Variants in CDH18 observed in about 807,000 individuals in gnomAD.
CDH18 encodes cadherin-18.
A neutral mutation model predicts 67.9 loss-of-function variants in CDH18; 31 were observed. The observed-to-expected ratio is 0.46, with a 90% confidence interval of 0.34 to 0.62. The LOEUF (loss-of-function observed/expected upper bound fraction) is 0.62, where lower values mean the gene tolerates loss of function less well. Ranked by LOEUF, CDH18 falls within the 20% of genes least tolerant of loss-of-function variation. The probability of loss-of-function intolerance (pLI) is 0.01; values close to 1 mark genes in which losing one functional copy is unlikely to be tolerated. For synonymous variants in CDH18, 362 were observed against 347.2 expected (o/e 1.04, Z -0.48); for missense variants, 890 against 975.5 (o/e 0.91, Z 1.17).
intron 1 of CDH18, among the ~76,000 whole-genome samples, chr5:20,377,239 AT>A (rs1743529927): frequency 6.6e-6 from 1 of 152,202 alleles, no homozygotes; most frequent in Admixed American, 6.5e-5. Context: ...AAATATTTAT[AT>A]TTATTTCTAT....
At chr5:19,683,632 G>A (rs1760649818) in intron 5 of CDH18, among the ~76,000 whole-genome samples, 1 of 151,922 alleles carries the variant, frequency 6.6e-6, no homozygotes, top group African/African-American at 2.4e-5. Flanking sequence ...ATCTGATAAT[G>A]GGCATTTATT....
chr5:19,664,178 A>T (rs1757591283), intron 5 of CDH18, among the ~76,000 whole-genome samples: 1 of 151,912 alleles, frequency 6.6e-6, no homozygotes, highest in South Asian at 2.1e-4. Flanking sequence ...ACATTCACTC[A>T]TAGTAGCCCT....
chr5:19,935,060 G>A (rs1794089387), intron 2 of CDH18, among the ~76,000 whole-genome samples: 1 of 151,226 alleles, frequency 6.6e-6, no homozygotes, highest in Admixed American at 6.6e-5. Flanking sequence ...TGAGAAAGAG[G>A]AAGTAAGTTG....
chr5:19,987,479 G>T (rs573029142), intron 1 of CDH18, among the ~76,000 whole-genome samples: 162 of 151,574 alleles, frequency 1.1e-3, no homozygotes, highest in African/African-American at 3.6e-3. Flanking sequence ...CCCTTTAAAA[G>T]AAGCAAAAGT....
At chr5:20,457,180 T>C (rs1399633874) in intron 1 of CDH18, among the ~76,000 whole-genome samples, 1 of 152,126 alleles carries the variant, frequency 6.6e-6, no homozygotes, top group African/African-American at 2.4e-5. Flanking sequence ...ATTGAAACGG[T>C]GTCACAGGTT....
intron 2 of CDH18, among the ~76,000 whole-genome samples, chr5:20,208,317 C>T (rs887040129): frequency 1.3e-5 from 2 of 152,078 alleles, no homozygotes; most frequent in East Asian, 3.9e-4. Flanking sequence ...GGGGAAACTG[C>T]CCCCTTGATT....
rs147545104 is a variant in CDH18, at chr5:20,113,224, G to T, written c.-517-121210C>A. On this transcript the variant is annotated intron_variant, in intron 2 of 14. Coordinates refer to the CDH18 transcript ENST00000507958. ...GAATCATTTAGGAGATAAACTTCTG[G>T]CATGTTTTTCAGTGGTGGGATGCCC... is the stretch of plus-strand genomic sequence containing the variant. Among the ~76,000 whole-genome samples, 252 of 152,134 alleles carry T rather than the reference G, an allele frequency of 1.7e-3. 1 individual carries two copies. The highest frequency in any genetic ancestry group is 5.7e-3 in the African/African-American group (237 of 41,508).
intron 1 of CDH18, among the ~76,000 whole-genome samples, chr5:20,443,596 G>A (rs1391765458): frequency 6.6e-6 from 1 of 151,754 alleles, no homozygotes; most frequent in Non-Finnish European, 1.5e-5. Context: ...TATTTCTGTG[G>A]GCACACATTA....
intron 3 of CDH18, among the ~76,000 whole-genome samples, chr5:19,764,175 C>CAAAAAAAAA (rs747971284): frequency 1.3e-5 from 1 of 79,530 alleles, no homozygotes. Flanking sequence ...GACTCTGTCT[C>CAAAAAAAAA]AAAAAAAAAA....
At chr5:20,357,954 G>C (rs1361273820) in intron 1 of CDH18, among the ~76,000 whole-genome samples, 1 of 152,096 alleles carries the variant, frequency 6.6e-6, no homozygotes, top group African/African-American at 2.4e-5. Flanking sequence ...ATATACCATG[G>C]AGTACTATGC....
intron 1 of CDH18, among the ~76,000 whole-genome samples, chr5:20,488,361 T>G (rs1234068169): frequency 6.6e-6 from 1 of 152,066 alleles, no homozygotes; most frequent in Non-Finnish European, 1.5e-5. Flanking sequence ...TTAAGACATT[T>G]CTTCTGACAA....
chr5:20,100,932 T>C (rs1256926305), intron 2 of CDH18, among the ~76,000 whole-genome samples: 1 of 152,170 alleles, frequency 6.6e-6, no homozygotes, highest in African/African-American at 2.4e-5. Flanking sequence ...CATATATTTA[T>C]GACTATTCAT....
At chr5:20,410,824 G>A (rs1746710624) in intron 1 of CDH18, among the ~76,000 whole-genome samples, 1 of 151,556 alleles carries the variant, frequency 6.6e-6, no homozygotes, top group South Asian at 2.1e-4. Context: ...CAAACTACGT[G>A]AAAAGGAAAT....
chr5:20,180,058 T>TG (rs1252020254), intron 2 of CDH18, among the ~76,000 whole-genome samples: 33 of 152,284 alleles, frequency 2.2e-4, no homozygotes, highest in African/African-American at 7.5e-4. Context: ...GTAAAGACAA[T>TG]GCCAGGTTGG....
At position 20,288,091 on chromosome 5, in the gene CDH18, T is replaced by G. The variant is rs543594815; in HGVS notation, c.-579-32586A>C. 2.6e-5 allele frequency among the ~76,000 whole-genome samples: 4 copies of G among 151,712 alleles called. No individual in the cohort carries two copies. The East Asian group carries it at 7.8e-4, about 29-fold the overall frequency. On this transcript the variant is annotated intron_variant, in intron 1 of 14. Transcript: ENST00000507958. ...TCTGGGGTCATTTTTTTTTTGTCAC[T>G]GTGGACCAAATGCCATGCAACCTAC...
At chr5:20,214,538 C>T (rs1235284874) in intron 2 of CDH18, among the ~76,000 whole-genome samples, 1 of 151,880 alleles carries the variant, frequency 6.6e-6, no homozygotes, top group African/African-American at 2.4e-5. Context: ...GGCTGCATAC[C>T]TACAACTGTC....
At chr5:19,915,196 T>C (rs1198594646) in intron 2 of CDH18, among the ~76,000 whole-genome samples, 1 of 152,192 alleles carries the variant, frequency 6.6e-6, no homozygotes, top group Non-Finnish European at 1.5e-5. Flanking sequence ...TAATTTGCTT[T>C]TGAAAGACAG....
chr5:19,787,399 C>A (rs1320981414), intron 3 of CDH18, among the ~76,000 whole-genome samples: 3 of 151,908 alleles, frequency 2.0e-5, no homozygotes, highest in African/African-American at 4.8e-5. Context: ...TTGCAGTGAA[C>A]CTAGACCACA....
At chr5:19,954,857 A>T (rs1796110159) in intron 2 of CDH18, among the ~76,000 whole-genome samples, 1 of 151,900 alleles carries the variant, frequency 6.6e-6, no homozygotes, top group South Asian at 2.1e-4. Flanking sequence ...CTCAGGAAAA[A>T]AAAAAAGAGT....
Sources: gnomAD v4.1 joint callset for allele counts (sites outside exome capture counted in the v4.1 genomes callset) on GRCh38, gnomAD v4.1.1 for gene constraint, MANE v1.5 for transcripts, NCBI Gene and HGNC (gene_info 2026-07-23, HGNC 2026-07-21) for gene names.